The following ULK4 variants were observed in gnomAD, a reference collection of about 807,000 sequenced individuals.
The protein encoded by ULK4 is inactive serine/threonine-protein kinase ULK4.
A neutral mutation model predicts 160.6 loss-of-function variants in ULK4; 133 were observed. The ratio of observed to expected loss-of-function variants is 0.83; its 90% CI spans 0.72 to 0.96. The LOEUF (loss-of-function observed/expected upper bound fraction) is 0.96, where lower values mean the gene tolerates loss of function less well. Among genes scored for constraint, ULK4 ranks in the 40% least tolerant of loss-of-function variants. ULK4 has a pLI of 0.00. For synonymous variants in ULK4, 534 were observed against 539.8 expected, an observed-to-expected ratio of 0.99 and a Z score of 0.15; for missense variants, 1,580 against 1,499.5, an observed-to-expected ratio of 1.05 and a Z score of -0.89.
chr3:41,787,859 A>C (rs2040041423), intron 21 of ULK4, among the ~76,000 whole-genome samples: 2 of 152,204 alleles, frequency 1.3e-5, no homozygotes, highest in South Asian at 4.1e-4. Flanking sequence ...AAATAATTAA[A>C]ATTATATTAA....
chr3:41,278,462 C>T (rs1403782659), intron 35 of ULK4, among the ~76,000 whole-genome samples: 1 of 152,208 alleles, frequency 6.6e-6, no homozygotes, highest in African/African-American at 2.4e-5. Context: ...GCATGGCATT[C>T]GAGCTCTGAG....
At chr3:41,556,484 A>G (rs1308542358) in intron 32 of ULK4, among the ~76,000 whole-genome samples, 1 of 108,396 alleles carries the variant, frequency 9.2e-6, no homozygotes, top group African/African-American at 3.6e-5. Context: ...AAACTCTACC[A>G]AACTTTTTTT....
rs143675851 is a variant in ULK4, at chr3:41,458,422, C to T, written c.3394-2827G>A. ...ATTGACAGTTATGCTCTAGTGTGTG[C>T]TAAAACCTGCTGGAGATATAAGACA... On this transcript the variant is annotated intron_variant, in intron 33 of 36. Coordinates refer to ENST00000301831, the MANE Select transcript of ULK4 (RefSeq NM_017886.4). Among the ~76,000 whole-genome samples the T allele has an allele frequency of 2.7e-3, 404 of 152,178 alleles. 2 individuals are homozygous for T. The highest frequency in any genetic ancestry group is 9.3e-3 in the African/African-American group (385 of 41,502).
chr3:41,273,681 G>T (rs1304208989), intron 35 of ULK4, among the ~76,000 whole-genome samples: 7 of 152,144 alleles, frequency 4.6e-5, no homozygotes, highest in South Asian at 2.1e-4. Flanking sequence ...TTGCTAGAGT[G>T]GGGGTGTGGG....
intron 34 of ULK4, 66 bp downstream of exon 34, chr3:41,455,431 A>G (rs1021003055): frequency 1.4e-6 from 2 of 1,416,048 alleles, no homozygotes; most frequent in Admixed American, 1.9e-5. Flanking sequence ...TCAAGAGATC[A>G]GGAAATTCAA....
chr3:41,506,767 A>AATATATATATATATATATATAT (rs71075470), intron 32 of ULK4, among the ~76,000 whole-genome samples: 6 of 56,790 alleles, frequency 1.1e-4, no homozygotes, highest in African/African-American at 3.3e-4. Context: ...TGTGATTTAA[A>AATATATATATATATATATATAT]ATATATATAT....
At chr3:41,357,875 G>A (rs1193475926) in intron 35 of ULK4, among the ~76,000 whole-genome samples, 4 of 152,282 alleles carry the variant, frequency 2.6e-5, no homozygotes, top group Non-Finnish European at 4.4e-5. Flanking sequence ...AGCATCTATC[G>A]TGTGCTGGGC....
In ULK4 at chr3:41,322,689, C is replaced by T. The variant is rs139830112; in HGVS notation, c.3679-73115G>A. Among the ~76,000 whole-genome samples, 385 of 152,272 alleles carry T rather than the reference C, an allele frequency of 2.5e-3. 3 individuals are homozygous for T. The highest frequency in any genetic ancestry group is 0.017 in the Middle Eastern group (5 of 294). On this transcript the variant is annotated intron_variant, in intron 35 of 36. Coordinates refer to ENST00000301831, the MANE Select transcript of ULK4 (RefSeq NM_017886.4). Reference sequence around the variant, plus strand: ...AGAAATAATGAATTCTTACTTCTTTCCAAGCTATTTAATGCTCAGCAGATA... The same window carrying T: ...AGAAATAATGAATTCTTACTTCTTTTCAAGCTATTTAATGCTCAGCAGATA...
At chr3:41,859,326 G>A in intron 17 of ULK4, 1 of 589,962 alleles carries the variant, frequency 1.7e-6, no homozygotes. Flanking sequence ...CAAAGACTGA[G>A]CACTGTAGAG....
Position 41,364,656 on chromosome 3 carries a change from A to C in ULK4, c.3678+33423T>G, listed in dbSNP as rs145065652. 1.5e-4 allele frequency among the ~76,000 whole-genome samples: 23 copies of C among 152,308 alleles called. No homozygotes were observed. In the East Asian group the frequency reaches 2.9e-3, roughly 19 times the overall value. On this transcript the variant is annotated intron_variant, in intron 35 of 36. Transcript: ENST00000301831. Reference sequence around the variant, plus strand: ...GTTATCATTATCATTTAATAAGGAAAAATTAAAGAAATAGAAAGATTTTCC... The same window carrying C: ...GTTATCATTATCATTTAATAAGGAACAATTAAAGAAATAGAAAGATTTTCC...
chr3:41,460,132 G>A (rs564811699), intron 33 of ULK4, among the ~76,000 whole-genome samples: 33 of 152,280 alleles, frequency 2.2e-4, no homozygotes, highest in African/African-American at 7.5e-4. Context: ...GCCTTTATGT[G>A]TATGTGGGAC....
intron 17 of ULK4, among the ~76,000 whole-genome samples, chr3:41,865,271 TAAAAAAAAAAAAAA>T (rs55741060): frequency 9.3e-3 from 279 of 29,912 alleles, no homozygotes; most frequent in African/African-American, 0.035. Context: ...ACTCTGTCTT[TAAAAAAAAAAAAAA>T]AAAAAAAAAA....
At chr3:41,596,120 G>A (rs2031673451) in intron 31 of ULK4, among the ~76,000 whole-genome samples, 1 of 152,196 alleles carries the variant, frequency 6.6e-6, no homozygotes, top group African/African-American at 2.4e-5. Flanking sequence ...AAGAAAGAAA[G>A]ACGGGAGTAT....
rs1010906187 is a variant in ULK4, at chr3:41,367,051, C to G, written c.3678+31028G>C. On this transcript the variant is annotated intron_variant, in intron 35 of 36. Coordinates refer to ENST00000301831, the MANE Select transcript of ULK4 (RefSeq NM_017886.4). ...TTACGGAAATCTTTCAAGTTGTCAT[C>G]AGGGTACTAATTAGATATTTTTAAA... Among the ~76,000 whole-genome samples the G allele has an allele frequency of 8.5e-5, 13 of 152,170 alleles. No homozygotes were observed. The South Asian group carries it at 1.2e-3, about 15-fold the overall frequency.
At chr3:41,703,980 T>A (rs2036776332) in intron 27 of ULK4, among the ~76,000 whole-genome samples, 1 of 152,160 alleles carries the variant, frequency 6.6e-6, no homozygotes, top group African/African-American at 2.4e-5. Context: ...CATGAAGGTG[T>A]CAAAATCAAC....
intron 32 of ULK4, among the ~76,000 whole-genome samples, chr3:41,521,236 C>G (rs1262875509): frequency 6.6e-6 from 1 of 152,176 alleles, no homozygotes; most frequent in African/African-American, 2.4e-5. Flanking sequence ...GCTAGCATTA[C>G]TCAACCTAAC....
intron 17 of ULK4, among the ~76,000 whole-genome samples, chr3:41,858,670 A>ATTTT (rs755950925): frequency 6.3e-4 from 84 of 133,348 alleles, no homozygotes; most frequent in Middle Eastern, 3.8e-3. Flanking sequence ...TTTTTGTGTG[A>ATTTT]TTTTTTTTTT....
chr3:41,422,298 C>T (rs988160530), intron 34 of ULK4, among the ~76,000 whole-genome samples: 11 of 152,102 alleles, frequency 7.2e-5, no homozygotes, highest in Middle Eastern at 3.2e-3. Context: ...TTTATATTCA[C>T]ATCTTTGAAT....
intron 17 of ULK4, among the ~76,000 whole-genome samples, chr3:41,844,020 G>C (rs544978213): frequency 9.2e-5 from 14 of 152,130 alleles, no homozygotes; most frequent in Non-Finnish European, 1.9e-4. Flanking sequence ...TTAGACACAG[G>C]GTGCTGATTG....
Sources: gnomAD v4.1 joint callset for allele counts (sites outside exome capture counted in the v4.1 genomes callset) on GRCh38, gnomAD v4.1.1 for gene constraint, MANE v1.5 for transcripts, NCBI Gene and HGNC (gene_info 2026-07-23, HGNC 2026-07-21) for gene names.